RYR2: variants seen among roughly 807,000 people sequenced by gnomAD.
RYR2 encodes the protein cardiac muscle ryanodine receptor-calcium release channel.
In RYR2, 227 loss-of-function variants were observed where a neutral mutation model predicts 601.1. The observed-to-expected ratio is 0.38, with a 90% confidence interval of 0.34 to 0.42. The LOEUF (loss-of-function observed/expected upper bound fraction) is 0.42, where lower values mean the gene tolerates loss of function less well. RYR2 is among the 10% of genes least tolerant of loss of function. The pLI is 1.00. For missense variants in RYR2, 4,646 were observed against 6,156.5 expected (o/e 0.75, Z 8.21); for synonymous variants, 2,223 against 2,175.1 (o/e 1.02, Z -0.61).
rs146441867 is a variant in RYR2 at position 237,314,960 on chromosome 1, A to C, written c.169-15918A>C. 2.1e-3 allele frequency among the ~76,000 whole-genome samples: 326 copies of C among 152,318 alleles called. 1 individual carries two copies. Among genetic ancestry groups the C allele is most frequent in the African/African-American group, 7.5e-3 (310 of 41,572 alleles). On this transcript the variant is annotated intron_variant, in intron 2 of 104. Coordinates refer to ENST00000366574, the MANE Select transcript of RYR2 (RefSeq NM_001035.3). ...ATTTTAATGATGGATTATACTATTA[A>C]TATTAAATCTCTTTATGAGAATCAA...
At position 237,659,972 on chromosome 1, in the gene RYR2, G is replaced by A. The variant is rs759582222; in HGVS notation, c.8209-13G>A. The stretch of plus-strand genomic sequence containing the variant: ...ACGTGTAAAACAATTTTTAATGTTT[G>A]CCTTTTTTTAAGTTGGCAAATGGAT... On this transcript the variant is annotated splice_polypyrimidine_tract_variant and intron_variant, in intron 54 of 104. Coordinates refer to ENST00000366574, the MANE Select transcript of RYR2 (RefSeq NM_001035.3). The A allele has an allele frequency of 1.3e-6, 2 of 1,552,798 alleles. No individual in the cohort carries two copies. Among genetic ancestry groups the A allele is most frequent in the South Asian group, 1.2e-5 (1 of 81,306 alleles).
intron 13 of RYR2, among the ~76,000 whole-genome samples, chr1:237,442,323 T>C (rs888630085): frequency 3.3e-5 from 5 of 152,210 alleles, no homozygotes; most frequent in African/African-American, 1.2e-4. Context: ...TTTCTTAATA[T>C]TTTACTTATA....
intron 92 of RYR2, among the ~76,000 whole-genome samples, chr1:237,788,870 T>G (rs981329156): frequency 3.3e-5 from 5 of 152,112 alleles, no homozygotes; most frequent in Non-Finnish European, 7.4e-5. Context: ...TTGAAAGGCC[T>G]TTATTAACAT....
intron 1 of RYR2, among the ~76,000 whole-genome samples, chr1:237,265,612 G>A (rs571488880): frequency 3.7e-4 from 57 of 152,248 alleles, no homozygotes; most frequent in Non-Finnish European, 7.1e-4. Flanking sequence ...GTGAGCTACC[G>A]CGCCTGGCCT....
At chr1:237,622,486 G>A (rs926297320) in intron 38 of RYR2, among the ~76,000 whole-genome samples, 2 of 152,158 alleles carry the variant, frequency 1.3e-5, no homozygotes, top group African/African-American at 4.8e-5. Context: ...TGTGTAAGGT[G>A]TGTATGAAAC....
chr1:237,353,883 C>T (rs894994266), intron 3 of RYR2, among the ~76,000 whole-genome samples: 2 of 152,052 alleles, frequency 1.3e-5, no homozygotes, highest in African/African-American at 2.4e-5. Context: ...TTTGTAATTG[C>T]GTAAATTCTA....
chr1:237,826,172 T>G (rs1232854935), intron 101 of RYR2, among the ~76,000 whole-genome samples: 1 of 152,046 alleles, frequency 6.6e-6, no homozygotes, highest in Non-Finnish European at 1.5e-5. Flanking sequence ...TGGGGATATA[T>G]CCAAAGAATT....
intron 1 of RYR2, among the ~76,000 whole-genome samples, chr1:237,201,171 C>A (rs917107256): frequency 2.0e-5 from 3 of 152,192 alleles, no homozygotes; most frequent in Admixed American, 1.3e-4. Flanking sequence ...TAGACCAAGA[C>A]ATGTTTGACC....
chr1:237,660,512 T>C (rs984479738), intron 55 of RYR2, among the ~76,000 whole-genome samples: 2 of 152,156 alleles, frequency 1.3e-5, no homozygotes, highest in African/African-American at 4.8e-5. Context: ...GTCACATGTA[T>C]ATTACATAAG....
At chr1:237,579,725 A>G (rs1356963474) in intron 29 of RYR2, among the ~76,000 whole-genome samples, 1 of 152,188 alleles carries the variant, frequency 6.6e-6, no homozygotes, top group Non-Finnish European at 1.5e-5. Flanking sequence ...AACATGTCAT[A>G]TGCTCACCTA....
At position 237,496,749 on chromosome 1, in the gene RYR2, T is replaced by G; in HGVS notation, c.2200T>G (p.Ser734Ala). ...TGGATTTGATGGCCTTCATCTCTGG[T>G]CAGGTACGTACTATCCATTTTCTTT... Reference protein sequence around the residue: ...SYGFDGLHLWSGCIARTVSSP... With the variant: ...SYGFDGLHLWAGCIARTVSSP... Residue 734 changes from serine (S) to alanine (A), a missense_variant, in exon 20 of 105, where the codon TCA becomes GCA. By Grantham distance (99) the Ser-to-Ala change is moderately conservative. Coordinates refer to ENST00000366574, the MANE Select transcript of RYR2 (RefSeq NM_001035.3). 1 of 1,613,338 alleles carries G rather than the reference T, an allele frequency of 6.2e-7. No homozygotes were observed. The highest frequency in any genetic ancestry group is 8.5e-7 in the Non-Finnish European group (1 of 1,179,526).
chr1:237,291,699 C>T lies in RYR2; in HGVS notation c.168+21083C>T, dbSNP rs529296235. Among the ~76,000 whole-genome samples, 21 of 152,188 alleles carry T rather than the reference C, an allele frequency of 1.4e-4. 1 individual carries two copies. The highest frequency in any genetic ancestry group is 7.7e-4 in the East Asian group (4 of 5,184). On this transcript the variant is annotated intron_variant, in intron 2 of 104. Transcript: ENST00000366574. ...CCAATCTGAAAAAGGCTACATAATA[C>T]GACATTCTGGAACAGTCAAATCTCT...
At chr1:237,068,834 C>T (rs1306732866) in intron 1 of RYR2, among the ~76,000 whole-genome samples, 1 of 152,078 alleles carries the variant, frequency 6.6e-6, no homozygotes, top group African/African-American at 2.4e-5. Context: ...TTAGATCTCC[C>T]CGTACTGTGG....
At position 237,536,743 on chromosome 1, in the gene RYR2, G is replaced by A. The variant is rs1378076319; in HGVS notation, c.2906+6233G>A. ...AAAAAAAAAAAAAAAAAAATTAGCC[G>A]GGCATGGTGGCAGGCGCCTGTAGTC... On this transcript the variant is annotated intron_variant, in intron 25 of 104. Coordinates refer to ENST00000366574, the MANE Select transcript of RYR2 (RefSeq NM_001035.3). 6.0e-3 allele frequency among the ~76,000 whole-genome samples: 750 copies of A among 124,636 alleles called. 13 individuals carry two copies. Among genetic ancestry groups the A allele is most frequent in the African/African-American group, 0.022 (695 of 32,284 alleles). 81.8% of individuals were successfully genotyped at this position (124,636 alleles called of 152,430 possible).
intron 69 of RYR2, 72 bp from the exon 70 acceptor site, chr1:237,709,408 G>A (rs1046393330): frequency 1.1e-6 from 1 of 911,228 alleles, no homozygotes; most frequent in Non-Finnish European, 1.7e-6. Flanking sequence ...TAACTTTGGG[G>A]GGATGGTTTT....
At chr1:237,452,008 G>A (rs1009151886) in intron 14 of RYR2, among the ~76,000 whole-genome samples, 6 of 149,518 alleles carry the variant, frequency 4.0e-5, no homozygotes, top group Non-Finnish European at 7.4e-5. Context: ...GTTTGTGTGT[G>A]TGTTTGTGTT....
At chr1:237,496,036 T>C (rs1298524191) in intron 19 of RYR2, among the ~76,000 whole-genome samples, 1 of 152,218 alleles carries the variant, frequency 6.6e-6, no homozygotes, top group African/African-American at 2.4e-5. Flanking sequence ...AGTGGTAGTT[T>C]TAATAATTTT....
chr1:237,469,033 T>C (rs1660387736), intron 16 of RYR2, 59 bp from the exon 17 acceptor site: 1 of 1,386,208 alleles, frequency 7.2e-7, no homozygotes, highest in Non-Finnish European at 1.0e-6. Flanking sequence ...CATATTAGCT[T>C]ATCTCAATTT....
intron 42 of RYR2, 86 bp from the exon 43 acceptor site, chr1:237,633,492 G>A (rs921566894): frequency 3.6e-5 from 54 of 1,513,040 alleles, no homozygotes; most frequent in Non-Finnish European, 4.4e-5. Flanking sequence ...CACGGGGATT[G>A]ACGATGTGAT....
Sources: allele counts gnomAD v4.1 joint callset (sites outside exome capture counted in the v4.1 genomes callset), GRCh38; gene constraint gnomAD v4.1.1; transcripts MANE v1.5; gene names NCBI Gene and HGNC (gene_info 2026-07-23, HGNC 2026-07-21).